Variants in C2 observed in about 807,000 individuals in gnomAD.
C2 encodes complement C2.
C2 carries 64 observed loss-of-function variants against 85.2 expected under a neutral mutation model. The ratio of observed to expected loss-of-function variants is 0.75; its 90% CI spans 0.61 to 0.92. C2 has a LOEUF of 0.92. Ranked by LOEUF, C2 falls within the 40% of genes least tolerant of loss-of-function variation. The pLI, the probability that C2 is intolerant of heterozygous loss-of-function variation, is 0.00. For missense variants in C2, 820 were observed against 971.6 expected, an observed-to-expected ratio of 0.84 and a Z score of 2.07; for synonymous variants, 311 against 370.8, an observed-to-expected ratio of 0.84 and a Z score of 1.85.
intron 7 of C2, 75 bp from the exon 8 acceptor site, chr6:31,937,244 G>T: frequency 6.7e-7 from 1 of 1,486,150 alleles, no homozygotes; most frequent in South Asian, 1.1e-5. Context: ...ATAATTGGGG[G>T]AATAGAGTGA....
At position 31,922,227 on chromosome 6, in the gene C2, A is replaced by G. The variant is rs1769024064; in HGVS notation, c.-100+2201A>G. ...AAGGACAGATCCACTAAAACCACCA[A>G]GAGGCTTGCAGAGCAATGCTGAATC... On this transcript the variant is annotated intron_variant, in intron 1 of 3. Coordinates refer to the C2 transcript ENST00000413154. The surrounding 1 kb of genome is among the most constrained non-coding windows in gnomAD (Gnocchi z 4.8). Among the ~76,000 whole-genome samples, 1 of 152,156 alleles carries G rather than the reference A, an allele frequency of 6.6e-6. No homozygotes were observed.
upstream of C2, chr6:31,900,259 G>A (rs1767097368): frequency 6.2e-7 from 1 of 1,613,778 alleles, no homozygotes; most frequent in Non-Finnish European, 8.5e-7. This position sits in a 1 kb window ranked among gnomAD's most constrained non-coding sequence, Gnocchi z 9.7. Flanking sequence ...GCATGTGGAA[G>A]ACCAGCTTCT....
chr6:31,934,803 A>C (rs1770272383), intron 6 of C2: 1 of 472,378 alleles, frequency 2.1e-6, no homozygotes, highest in African/African-American at 2.1e-5. Context: ...TGAGGTCAGG[A>C]GTTTGAGACC....
At position 31,928,153 on chromosome 6, in the gene C2, C is replaced by T. The variant is rs547881286; in HGVS notation, c.245C>T (p.Ala82Val). Residue 82 changes from alanine (A) to valine (V), a missense_variant, in exon 2 of 18, where the codon GCG becomes GTG. Coordinates refer to ENST00000299367, the MANE Select transcript of C2 (RefSeq NM_000063.6). ...GGAGCCACCCGGTCTCTGTCTAAGG[C>T]GGTCTGCAAACGTGAGGCTCCCTGT... ...TPGATRSLSK[A>V]VCKPVRCPAP... 4.0e-5 allele frequency: 64 copies of T among 1,608,910 alleles called. No homozygotes were observed. Among genetic ancestry groups the T allele is most frequent in the Middle Eastern group, 3.3e-4 (2 of 6,084 alleles).
At position 31,922,322 on chromosome 6, in the gene C2, A is replaced by G. The variant is rs918050634; in HGVS notation, c.-100+2296A>G. 1.3e-5 allele frequency among the ~76,000 whole-genome samples: 2 copies of G among 152,118 alleles called. No homozygotes were observed. The highest frequency in any genetic ancestry group is 6.6e-5 in the Admixed American group (1 of 15,262). ...GACTAGTTTTCCAATTTGGGGGTTG[A>G]CCTGCAGTTGCCATAGAAGGTTGAG... On this transcript the variant is annotated intron_variant, in intron 1 of 3. Transcript: ENST00000413154. This position sits in a 1 kb window ranked among gnomAD's most constrained non-coding sequence, Gnocchi z 4.8.
chr6:31,933,998 A>C (rs745425658), intron 5 of C2, 33 bp downstream of exon 5: 3 of 1,592,732 alleles, frequency 1.9e-6, no homozygotes, highest in South Asian at 2.2e-5. Flanking sequence ...CTGGTTGAGC[A>C]GGGTGCTGGA....
At chr6:31,929,717 C>CA (rs9279455) in intron 3 of C2, among the ~76,000 whole-genome samples, 1,781 of 42,278 alleles carry the variant, frequency 0.042, 60 homozygotes, top group South Asian at 0.062. Context: ...GACTCTGTCT[C>CA]AAAAAAAAAA....
Position 31,945,147 on chromosome 6 carries a change from G to A in C2, c.2080-31G>A, listed in dbSNP as rs370161918. 63 of 1,611,136 alleles carry A rather than the reference G, an allele frequency of 3.9e-5. No individual in the cohort carries two copies. In the African/African-American group the frequency reaches 8.0e-4, roughly 21 times the overall value. On this transcript the variant is annotated intron_variant, in intron 17 of 17. Transcript: ENST00000299367. The surrounding 1 kb of genome is among the most constrained non-coding windows in gnomAD (Gnocchi z 5.3). Reference sequence around the variant, plus strand: ...GGGGCTTACAGTTGGGGCTGTGGCAGCCTCCCAGCCAGTTCTCTCCTTTTC... The same window carrying A: ...GGGGCTTACAGTTGGGGCTGTGGCAACCTCCCAGCCAGTTCTCTCCTTTTC...
chr6:31,943,688 G>A lies in C2; in HGVS notation c.1612G>A (p.Ala538Thr). 6.2e-7 allele frequency: 1 copy of A among 1,613,084 alleles called. No individual in the cohort carries two copies. The highest frequency in any genetic ancestry group is 1.7e-5 in the Admixed American group (1 of 60,026). ...GGGCAAAGAATTCCTTATTGAGAAG[G>A]CGGTGATCTCCCCAGGGTTTGATGT... Reference protein sequence around the residue: ...QWGKEFLIEKAVISPGFDVFA... With the variant: ...QWGKEFLIEKTVISPGFDVFA... The change falls in exon 13 of 18, where the codon GCG (alanine) becomes ACG (threonine). Residue 538 changes from alanine (A) to threonine (T), a missense_variant. Coordinates refer to ENST00000299367, the MANE Select transcript of C2 (RefSeq NM_000063.6). This position sits in a 1 kb window ranked among gnomAD's most constrained non-coding sequence, Gnocchi z 6.4.
intron 8 of C2, among the ~76,000 whole-genome samples, chr6:31,938,440 A>G (rs547679825): frequency 1.0e-4 from 15 of 143,130 alleles, no homozygotes; most frequent in South Asian, 8.8e-4. Flanking sequence ...AAAAGTGTGT[A>G]TATATATATA....
At position 31,927,923 on chromosome 6, in the gene C2, C is replaced by T. The variant is rs972171606; in HGVS notation, c.47-32C>T. The stretch of plus-strand genomic sequence containing the variant: ...TCTCATCTGTGTCTTCCTTCTTTCT[C>T]CATTGCTGTCTCCTTGTTCCCACGG... On this transcript the variant is annotated intron_variant, in intron 1 of 17. Coordinates refer to ENST00000299367, the MANE Select transcript of C2 (RefSeq NM_000063.6). This position sits in a 1 kb window ranked among gnomAD's most constrained non-coding sequence, Gnocchi z 4.7. 10 of 1,599,962 alleles carry T rather than the reference C, an allele frequency of 6.3e-6. No individual in the cohort carries two copies. Among genetic ancestry groups the T allele is most frequent in the Non-Finnish European group, 7.7e-6 (9 of 1,167,048 alleles).
rs774531849 is a variant in C2 at position 31,943,047 on chromosome 6, C to G, written c.1308C>G (p.Ala436=). 32 of 1,612,936 alleles carry G rather than the reference C, an allele frequency of 2.0e-5. No individual in the cohort carries two copies. The highest frequency in any genetic ancestry group is 1.7e-4 in the Admixed American group (10 of 60,000). Residue 436 remains alanine, a synonymous_variant, in exon 10 of 18, where the codon GCC becomes GCG. Transcript: ENST00000299367. The surrounding 1 kb of genome is among the most constrained non-coding windows in gnomAD (Gnocchi z 6.4). ...CCAAGAAGGATGGTGAGAGGCATGC[C>G]TTCATTCTGCAGGACACAAAGGCTC... ...LGSKKDGERH[A]FILQDTKALH... is the part of the protein sequence containing the mutation.
In C2 at chr6:31,943,901, T is replaced by C. The variant is rs750737630; in HGVS notation, c.1734-16T>C. 3 of 1,612,576 alleles carry C rather than the reference T, an allele frequency of 1.9e-6. No individual in the cohort carries two copies. The highest frequency in any genetic ancestry group is 1.7e-5 in the Admixed American group (1 of 60,006). ...TACTGGGGACAGGCTGGTGTGACCC[T>C]TGCTCTTCTCCCCAGGCCCATCTGC... On this transcript the variant is annotated splice_polypyrimidine_tract_variant and intron_variant, in intron 13 of 17. Transcript: ENST00000299367. The surrounding 1 kb of genome is among the most constrained non-coding windows in gnomAD (Gnocchi z 6.4).
At chr6:31,932,157 G>A (rs1350145492) in intron 3 of C2, among the ~76,000 whole-genome samples, 3 of 140,274 alleles carry the variant, frequency 2.1e-5, no homozygotes, top group South Asian at 4.5e-4. Context: ...GCGGCTGGCC[G>A]GGCAGAGTGG....
At position 31,944,742 on chromosome 6, in the gene C2, G is replaced by A. The variant is rs769958879; in HGVS notation, c.1918G>A (p.Glu640Lys). ...KMGVEWTSCA[E>K]VVSQEKTMFP... is the part of the protein sequence containing the mutation. ...CCTGCTGCAGTGGACAAGCTGTGCC[G>A]AGGTTGTCTCCCAAGAAAAAACCAT... Residue 640 changes from glutamate to lysine, a missense_variant, in exon 16 of 18, where the codon GAG (glutamate) becomes AAG (lysine). Transcript: ENST00000299367. The surrounding 1 kb of genome is among the most constrained non-coding windows in gnomAD (Gnocchi z 5.1). The A allele has an allele frequency of 9.9e-6, 16 of 1,612,950 alleles. No individual in the cohort carries two copies. Among genetic ancestry groups the A allele is most frequent in the African/African-American group, 1.3e-5 (1 of 74,934 alleles).
upstream of C2, chr6:31,900,783 G>C (rs1274597285): frequency 3.1e-6 from 5 of 1,591,010 alleles, no homozygotes; most frequent in Non-Finnish European, 4.3e-6. This position sits in a 1 kb window ranked among gnomAD's most constrained non-coding sequence, Gnocchi z 9.7. Flanking sequence ...CGCAGGAGTG[G>C]AGGGGGTAGA....
rs1768954215 is a variant in C2 at position 31,921,325 on chromosome 6, G to T, written c.-100+1299G>T. Among the ~76,000 whole-genome samples the T allele has an allele frequency of 6.6e-6, 1 of 152,100 alleles. No homozygotes were observed. The highest frequency in any genetic ancestry group is 2.4e-5 in the African/African-American group (1 of 41,424). ...CCTGGATCCTTCCTCTGGGGAGCTT[G>T]AGACAAGTGCACAAGTAGCTAGAAG... On this transcript the variant is annotated intron_variant, in intron 1 of 3. Transcript: ENST00000413154. This position sits in a 1 kb window ranked among gnomAD's most constrained non-coding sequence, Gnocchi z 4.6.
In C2 at chr6:31,936,071, T is replaced by A; in HGVS notation, c.988+10T>A. On this transcript the variant is annotated intron_variant, in intron 7 of 17. Transcript: ENST00000299367. Reference sequence around the variant, plus strand: ...AATGCCAACTATAAAGGTACGGGTGTCATCACGTGATGGTGATGAGAGAGG... The same window carrying A: ...AATGCCAACTATAAAGGTACGGGTGACATCACGTGATGGTGATGAGAGAGG... The A allele has an allele frequency of 1.2e-6, 2 of 1,612,730 alleles. No homozygotes were observed. The highest frequency in any genetic ancestry group is 1.7e-6 in the Non-Finnish European group (2 of 1,179,906).
rs554706328 is a variant in C2, at chr6:31,921,161, AT to A, written c.-100+1137del. 3.5e-3 allele frequency among the ~76,000 whole-genome samples: 538 copies of A among 152,278 alleles called. 8 individuals are homozygous for A. Among genetic ancestry groups the A allele is most frequent in the African/African-American group, 0.012 (501 of 41,538 alleles). ...GGTCTGACCCAATGTAAATATTTTT[AT>A]TAAAAAAGAAATGGATGAGAAACCA... is the stretch of plus-strand genomic sequence containing the variant. On this transcript the variant is annotated intron_variant, in intron 1 of 3. Coordinates refer to the C2 transcript ENST00000413154. The surrounding 1 kb of genome is among the most constrained non-coding windows in gnomAD (Gnocchi z 4.6).
Sources: gnomAD v4.1 joint callset for allele counts (sites outside exome capture counted in the v4.1 genomes callset) on GRCh38, gnomAD v4.1.1 for gene constraint, Gnocchi (gnomAD v3.1) non-coding constraint, MANE v1.5 for transcripts, NCBI Gene and HGNC (gene_info 2026-07-23, HGNC 2026-07-21) for gene names.